TMEM161B: variants seen among roughly 807,000 people sequenced by gnomAD.
TMEM161B encodes the protein transmembrane protein 161B.
TMEM161B carries 34 observed loss-of-function variants against 61.8 expected under a neutral mutation model. That is an observed-to-expected ratio of 0.55 (90% CI 0.42 to 0.73). The LOEUF (loss-of-function observed/expected upper bound fraction) is 0.73, where lower values mean the gene tolerates loss of function less well. Ranked by LOEUF, TMEM161B falls within the 30% of genes least tolerant of loss-of-function variation. TMEM161B has a pLI of 0.00. For synonymous variants in TMEM161B, 167 were observed against 192.8 expected (o/e 0.87, Z 1.11); for missense variants, 456 against 558.5 (o/e 0.82, Z 1.85).
chr5:88,268,673 C>A, intron 1 of TMEM161B, 48 bp downstream of exon 1: 1 of 1,613,810 alleles, frequency 6.2e-7, no homozygotes, highest in Non-Finnish European at 8.5e-7. Flanking sequence ...GACCTCCCCG[C>A]CCTTTTCGCC....
intron 8 of TMEM161B, among the ~76,000 whole-genome samples, chr5:88,204,837 T>C (rs113060397): frequency 1.1e-4 from 14 of 132,040 alleles, no homozygotes; most frequent in African/African-American, 4.0e-4. Context: ...TGTAGAAAAA[T>C]GGAAGTGAGG....
At chr5:88,228,153 T>C (rs1750376553) in intron 3 of TMEM161B, among the ~76,000 whole-genome samples, 1 of 152,124 alleles carries the variant, frequency 6.6e-6, no homozygotes, top group South Asian at 2.1e-4. Flanking sequence ...TAATTAGTTG[T>C]AGGATAAAGA....
chr5:88,198,911 ATTTTT>A, intron 10 of TMEM161B, 60 bp downstream of exon 10: 3 of 1,237,978 alleles, frequency 2.4e-6, no homozygotes, highest in Admixed American at 5.3e-5. Context: ...AAGGAAACCA[ATTTTT>A]TTTTTTTTTT....
In TMEM161B at chr5:88,240,837, G is replaced by GC. The variant is rs1015325817; in HGVS notation, c.82dup (p.Ala28GlyfsTer7). 6.2e-7 allele frequency: 1 copy of GC among 1,611,574 alleles called. No homozygotes were observed. Among genetic ancestry groups the GC allele is most frequent in the East Asian group, 2.2e-5 (1 of 44,800 alleles). ...CCTGCCATTACAGAGTAGCCATCGAGCAAGAGAATAGTGAGGTATAATCTT... is the reference window on the plus strand; with the variant it reads ...CCTGCCATTACAGAGTAGCCATCGAGCCAAGAGAATAGTGAGGTATAATCTT... On this transcript the variant is annotated frameshift_variant, in exon 2 of 12. Transcript: ENST00000296595. LOFTEE classifies it high-confidence loss of function.
chr5:88,265,169 G>GT (rs1306705779), intron 1 of TMEM161B, among the ~76,000 whole-genome samples: 7 of 152,278 alleles, frequency 4.6e-5, no homozygotes, highest in Admixed American at 2.0e-4. Flanking sequence ...GCAGAGAAGT[G>GT]TTTTTTATCA....
At position 88,195,665 on chromosome 5, in the gene TMEM161B, T is replaced by G. The variant is rs1250935891; in HGVS notation, c.*546A>C. On this transcript the variant is annotated 3_prime_UTR_variant, in exon 12 of 12. Transcript: ENST00000296595. ...ATATTCATCTCCATTAAATTTAAAA[T>G]AACTATGCAGCTTTCTTTACTGTAA... 6.1e-6 allele frequency: 6 copies of G among 984,990 alleles called. No homozygotes were observed. The African/African-American group carries it at 1.0e-4, about 17-fold the overall frequency. 61.0% of individuals were successfully genotyped at this position (984,990 alleles called of 1,614,324 possible). A position where few individuals can be genotyped will look rare whatever the true frequency, so the allele number is the denominator to read the frequency against.
chr5:88,256,730 T>C (rs1267600999), intron 1 of TMEM161B, among the ~76,000 whole-genome samples: 2 of 152,224 alleles, frequency 1.3e-5, no homozygotes, highest in Non-Finnish European at 2.9e-5. Flanking sequence ...AGATGGCAGA[T>C]ATTAAACACA....
chr5:88,192,251 CA>C (rs887594212), downstream of TMEM161B, among the ~76,000 whole-genome samples: 91 of 151,062 alleles, frequency 6.0e-4, no homozygotes, highest in Non-Finnish European at 1.0e-3. Context: ...GAAAACAAAA[CA>C]AAAAACAATA....
Position 88,228,752 on chromosome 5 carries a change from T to G in TMEM161B, c.108-224A>C, listed in dbSNP as rs188673346. 1.8e-3 allele frequency among the ~76,000 whole-genome samples: 269 copies of G among 152,290 alleles called. 2 individuals carry two copies. Among genetic ancestry groups the G allele is most frequent in the African/African-American group, 6.2e-3 (256 of 41,570 alleles). On this transcript the variant is annotated intron_variant, in intron 2 of 11. Transcript: ENST00000296595. Reference sequence around the variant, plus strand: ...ACTTACTAGATGCCAGGTCCTACAATGCCATTTGTATGTATATTTCTTACA... The same window carrying G: ...ACTTACTAGATGCCAGGTCCTACAAGGCCATTTGTATGTATATTTCTTACA...
At chr5:88,239,095 C>T (rs867581432) in intron 2 of TMEM161B, among the ~76,000 whole-genome samples, 16 of 152,006 alleles carry the variant, frequency 1.1e-4, no homozygotes, top group African/African-American at 3.1e-4. Context: ...ATGTATATTA[C>T]GACACATTCT....
intron 1 of TMEM161B, among the ~76,000 whole-genome samples, chr5:88,254,719 G>A (rs760013225): frequency 1.4e-4 from 22 of 152,044 alleles, no homozygotes; most frequent in Non-Finnish European, 2.9e-4. Context: ...GCATGTGCTT[G>A]TAATCCCAGC....
downstream of TMEM161B, among the ~76,000 whole-genome samples, chr5:88,190,414 G>A (rs1239032693): frequency 6.6e-6 from 1 of 152,096 alleles, no homozygotes; most frequent in African/African-American, 2.4e-5. Flanking sequence ...TAGCAGCTGT[G>A]GCACAGCTAC....
intron 1 of TMEM161B, 55 bp downstream of exon 1, chr5:88,268,666 C>T (rs1009759199): frequency 1.5e-5 from 24 of 1,613,126 alleles, no homozygotes; most frequent in African/African-American, 1.1e-4. Flanking sequence ...CAGTACTGAC[C>T]TCCCCGCCCT....
chr5:88,198,986 A>C lies in TMEM161B; in HGVS notation c.1079T>G (p.Leu360Arg). The change falls in exon 10 of 12, where the codon CTA (leucine) becomes CGA (arginine). Residue 360 changes from leucine (L) to arginine (R), a missense_variant. Coordinates refer to ENST00000296595, the MANE Select transcript of TMEM161B (RefSeq NM_153354.5). Reference protein sequence around the residue: ...KEAGRISTVELQKMVARVFYY... With the variant: ...KEAGRISTVERQKMVARVFYY... ...GGGTATAAAACTTACCATTTTCTGT[A>C]GCTCAACCGTGCTTATTCGCCCCGC... The C allele has an allele frequency of 6.2e-7, 1 of 1,610,148 alleles. No homozygotes were observed. The highest frequency in any genetic ancestry group is 8.5e-7 in the Non-Finnish European group (1 of 1,178,592).
At chr5:88,207,729 ATTATC>A (rs1745798354) in intron 5 of TMEM161B, among the ~76,000 whole-genome samples, 1 of 152,190 alleles carries the variant, frequency 6.6e-6, no homozygotes, top group Admixed American at 6.5e-5. Flanking sequence ...GGCTGAAGAG[ATTATC>A]TTATCTGAAC....
downstream of TMEM161B, among the ~76,000 whole-genome samples, chr5:88,190,993 T>A (rs754268689): frequency 8.5e-5 from 13 of 152,190 alleles, no homozygotes; most frequent in Non-Finnish European, 1.5e-4. Context: ...TTTTCCATTG[T>A]TATTGTGAAC....
At chr5:88,202,060 A>G (rs755237975) in intron 9 of TMEM161B, 118 of 445,004 alleles carry the variant, frequency 2.7e-4, no homozygotes, top group Non-Finnish European at 4.7e-4. Flanking sequence ...TGGTTGCATT[A>G]CATGTGTTCT....
downstream of TMEM161B, among the ~76,000 whole-genome samples, chr5:88,192,918 A>G (rs181239159): frequency 1.3e-5 from 2 of 152,312 alleles, no homozygotes; most frequent in Admixed American, 6.5e-5. Flanking sequence ...TTCATAATGA[A>G]TTCTATTTAT....
chr5:88,198,720 A>G (rs1177030829), intron 10 of TMEM161B: 3 of 339,202 alleles, frequency 8.8e-6, no homozygotes, highest in African/African-American at 4.3e-5. Flanking sequence ...CCATTTAGCA[A>G]TATTAGGCAT....
Sources: gnomAD v4.1 joint callset for allele counts (sites outside exome capture counted in the v4.1 genomes callset) on GRCh38, gnomAD v4.1.1 for gene constraint, MANE v1.5 for transcripts, NCBI Gene and HGNC (gene_info 2026-07-23, HGNC 2026-07-21) for gene names.